The following AGBL4 variants were observed in gnomAD, a reference collection of about 807,000 sequenced individuals.
AGBL4 encodes the protein cytosolic carboxypeptidase 6.
AGBL4 carries 58 observed loss-of-function variants against 66.4 expected under a neutral mutation model. That is an observed-to-expected ratio of 0.87 (90% CI 0.71 to 1.09). The LOEUF (loss-of-function observed/expected upper bound fraction) is 1.09, where lower values mean the gene tolerates loss of function less well. AGBL4 is among the 50% of genes least tolerant of loss of function. The pLI is 0.00. For synonymous variants in AGBL4, 234 were observed against 222.9 expected (o/e 1.05, Z -0.44); for missense variants, 579 against 631.0 (o/e 0.92, Z 0.88).
intron 5 of AGBL4, among the ~76,000 whole-genome samples, chr1:48,969,764 T>C (rs1260236835): frequency 2.0e-5 from 3 of 152,158 alleles, no homozygotes; most frequent in Non-Finnish European, 2.9e-5. Flanking sequence ...CTTCAGCATC[T>C]AGGGCCAATC....
chr1:49,384,995 T>C (rs1644707021), intron 3 of AGBL4, among the ~76,000 whole-genome samples: 1 of 152,174 alleles, frequency 6.6e-6, no homozygotes, highest in Admixed American at 6.5e-5. Flanking sequence ...AGAAATCTTG[T>C]CATATGCTTC....
chr1:48,741,413 G>A lies in AGBL4; in HGVS notation c.635-78172C>T, dbSNP rs549149951. Among the ~76,000 whole-genome samples the A allele has an allele frequency of 5.3e-5, 8 of 152,330 alleles. No homozygotes were observed. In the South Asian group the frequency reaches 8.3e-4, roughly 16 times the overall value. ...CTAAGAACTCAGGCTCCAGGCTGCC[G>A]ACTTCCAACTTGTCATGCCACCTCT... is the stretch of plus-strand genomic sequence containing the variant. On this transcript the variant is annotated intron_variant, in intron 6 of 13. Coordinates refer to ENST00000371839, the MANE Select transcript of AGBL4 (RefSeq NM_032785.4).
At chr1:48,869,170 A>G (rs866194577) in intron 5 of AGBL4, among the ~76,000 whole-genome samples, 2 of 152,330 alleles carry the variant, frequency 1.3e-5, no homozygotes, top group African/African-American at 4.8e-5. Flanking sequence ...TTTTCCTGCC[A>G]ACTCATAATT....
At chr1:49,846,496 C>A in intron 2 of AGBL4, 1 of 896,018 alleles carries the variant, frequency 1.1e-6, no homozygotes, top group Non-Finnish European at 1.6e-6. Flanking sequence ...AAACATATGT[C>A]TTTATCAACA....
chr1:48,997,759 A>C (rs970506700), intron 5 of AGBL4, among the ~76,000 whole-genome samples: 3 of 152,214 alleles, frequency 2.0e-5, no homozygotes, highest in African/African-American at 7.2e-5. Flanking sequence ...ATTATAAAAA[A>C]TCAACCAGAC....
At chr1:50,005,875 T>C (rs1490663618) in intron 1 of AGBL4, among the ~76,000 whole-genome samples, 3 of 152,156 alleles carry the variant, frequency 2.0e-5, no homozygotes, top group African/African-American at 7.2e-5. Flanking sequence ...GAAGAATGCA[T>C]CAGAGTCTCT....
intron 3 of AGBL4, among the ~76,000 whole-genome samples, chr1:49,490,817 A>T (rs189834429): frequency 6.6e-6 from 1 of 151,878 alleles, no homozygotes; most frequent in East Asian, 1.9e-4. Context: ...TTATTTTAAC[A>T]TGCTATAACT....
chr1:49,240,717 G>A (rs1651162405), intron 4 of AGBL4, among the ~76,000 whole-genome samples: 1 of 151,430 alleles, frequency 6.6e-6, no homozygotes, highest in Admixed American at 6.6e-5. Flanking sequence ...TACCATTCTG[G>A]TTATCACCTG....
At chr1:49,644,170 A>C (rs904661426) in intron 3 of AGBL4, among the ~76,000 whole-genome samples, 1 of 151,684 alleles carries the variant, frequency 6.6e-6, no homozygotes, top group Non-Finnish European at 1.5e-5. Context: ...TATACTATAA[A>C]TCCTAAAGCA....
chr1:49,886,771 T>A (rs890668014), intron 1 of AGBL4, among the ~76,000 whole-genome samples: 1 of 152,122 alleles, frequency 6.6e-6, no homozygotes, highest in African/African-American at 2.4e-5. Context: ...AATTTACATA[T>A]GTAATCTTGT....
chr1:49,463,574 T>A (rs978944648), intron 3 of AGBL4, among the ~76,000 whole-genome samples: 4 of 151,774 alleles, frequency 2.6e-5, no homozygotes, highest in Non-Finnish European at 4.4e-5. Context: ...ATCTGCTACT[T>A]TCTGAGGCTT....
chr1:48,956,235 C>T (rs1401621443), intron 5 of AGBL4, among the ~76,000 whole-genome samples: 3 of 152,188 alleles, frequency 2.0e-5, no homozygotes, highest in African/African-American at 7.2e-5. Context: ...TTTCTTGGCC[C>T]TCAGTGGCAT....
At chr1:49,820,771 T>A (rs1423204433) in intron 2 of AGBL4, among the ~76,000 whole-genome samples, 2 of 152,186 alleles carry the variant, frequency 1.3e-5, no homozygotes, top group African/African-American at 4.8e-5. Context: ...AAATGCTGAA[T>A]AACCAAAAGT....
chr1:49,337,024 T>A (rs992153719), intron 3 of AGBL4, among the ~76,000 whole-genome samples: 5 of 152,176 alleles, frequency 3.3e-5, no homozygotes, highest in African/African-American at 1.2e-4. Flanking sequence ...TTAATATCTA[T>A]CCCATTAGCT....
rs149803205 is a variant in AGBL4 at position 49,442,535 on chromosome 1, T to C, written c.283-196671A>G. Among the ~76,000 whole-genome samples the C allele has an allele frequency of 2.8e-3, 423 of 152,324 alleles. 3 individuals carry two copies. The highest frequency in any genetic ancestry group is 5.3e-3 in the Non-Finnish European group (360 of 68,026). ...TCTTTCTGTGCCTGGATTATTTCAC[T>C]TAAGAGAATGACCTCCAGTTCCATC... On this transcript the variant is annotated intron_variant, in intron 3 of 13. Coordinates refer to ENST00000371839, the MANE Select transcript of AGBL4 (RefSeq NM_032785.4).
intron 4 of AGBL4, among the ~76,000 whole-genome samples, chr1:49,104,763 T>C (rs1054717595): frequency 6.6e-6 from 1 of 152,158 alleles, no homozygotes; most frequent in Non-Finnish European, 1.5e-5. Context: ...ATGAACGGGC[T>C]CCAGGAGGCA....
intron 3 of AGBL4, among the ~76,000 whole-genome samples, chr1:49,477,163 T>A (rs988903587): frequency 6.6e-6 from 1 of 152,068 alleles, no homozygotes; most frequent in African/African-American, 2.4e-5. Flanking sequence ...AAGGGAAGGA[T>A]ATAAACTTGG....
rs879897422 is a variant in AGBL4 at position 49,180,976 on chromosome 1, G to GAGGA, written c.377+64793_377+64794insTCCT. Among the ~76,000 whole-genome samples, 651 of 152,210 alleles carry GAGGA rather than the reference G, an allele frequency of 4.3e-3. 4 individuals carry two copies. The highest frequency in any genetic ancestry group is 0.014 in the Admixed American group (207 of 15,290). ...TTTTTCAACACAATGTTTTAAATAT[G>GAGGA]GCTTGGAAAAACCTCTCCTCAGCAT... On this transcript the variant is annotated intron_variant, in intron 4 of 13. Coordinates refer to ENST00000371839, the MANE Select transcript of AGBL4 (RefSeq NM_032785.4).
At chr1:49,036,742 T>G (rs1571289736) in intron 5 of AGBL4, among the ~76,000 whole-genome samples, 1 of 136,806 alleles carries the variant, frequency 7.3e-6, no homozygotes, top group Admixed American at 7.5e-5. Flanking sequence ...TTTTTTTTTT[T>G]GTAGTAATGA....
Sources: gnomAD v4.1 joint callset for allele counts (sites outside exome capture counted in the v4.1 genomes callset) on GRCh38, gnomAD v4.1.1 for gene constraint, MANE v1.5 for transcripts, NCBI Gene and HGNC (gene_info 2026-07-23, HGNC 2026-07-21) for gene names.